The following FAM227B variants were observed in gnomAD, a reference collection of about 807,000 sequenced individuals.
FAM227B encodes protein FAM227B.
FAM227B carries 88 observed loss-of-function variants against 73.8 expected under a neutral mutation model. That is an observed-to-expected ratio of 1.19 (90% CI 1.00 to 1.42). The LOEUF is 1.42. FAM227B is among the 40% of genes most tolerant of loss of function. FAM227B has a pLI of 0.00. For missense variants in FAM227B, 632 were observed against 590.9 expected, an observed-to-expected ratio of 1.07 and a Z score of -0.72; for synonymous variants, 210 against 190.5, an observed-to-expected ratio of 1.10 and a Z score of -0.84.
At chr15:49,438,846 T>A (rs373650863) in intron 11 of FAM227B, among the ~76,000 whole-genome samples, 2 of 119,122 alleles carry the variant, frequency 1.7e-5, no homozygotes, top group African/African-American at 3.0e-5. Context: ...AGAGAGAGAG[T>A]GGGTGGTAAG....
At chr15:49,429,671 A>T (rs898190630) in intron 11 of FAM227B, among the ~76,000 whole-genome samples, 1 of 151,930 alleles carries the variant, frequency 6.6e-6, no homozygotes, top group African/African-American at 2.4e-5. Flanking sequence ...ACTTTAAAAA[A>T]ATACTGATGC....
chr15:49,393,890 T>G (rs188400347), intron 11 of FAM227B, among the ~76,000 whole-genome samples: 1 of 152,254 alleles, frequency 6.6e-6, no homozygotes, highest in East Asian at 1.9e-4. Flanking sequence ...AAGAACCAAT[T>G]TTATTTTTTA....
chr15:49,454,413 C>G (rs941447848), intron 11 of FAM227B, among the ~76,000 whole-genome samples: 1 of 152,038 alleles, frequency 6.6e-6, no homozygotes, highest in African/African-American at 2.4e-5. Flanking sequence ...ATAATAAGAG[C>G]CAATATTTAT....
At chr15:49,543,885 T>A (rs2071441613) in intron 9 of FAM227B, among the ~76,000 whole-genome samples, 1 of 152,170 alleles carries the variant, frequency 6.6e-6, no homozygotes, top group African/African-American at 2.4e-5. Flanking sequence ...AGTACCATGG[T>A]GTTTTGGTAA....
chr15:49,577,283 T>A, intron 6 of FAM227B: 1 of 355,514 alleles, frequency 2.8e-6, no homozygotes, highest in Non-Finnish European at 5.5e-6. Flanking sequence ...GGCCACAGAG[T>A]GAGGCCCCAT....
chr15:49,328,314 T>G lies in FAM227B; in HGVS notation c.*254A>C. ...TTTTCAAAGAAATGGTTGAAAGCTC[T>G]CTATGCTTCATAATGATTCTTTTTC... On this transcript the variant is annotated 3_prime_UTR_variant, in exon 16 of 16. Transcript: ENST00000299338. 1 of 1,434,450 alleles carries G rather than the reference T, an allele frequency of 7.0e-7. No homozygotes were observed. Among genetic ancestry groups the G allele is most frequent in the Non-Finnish European group, 9.1e-7 (1 of 1,098,138 alleles). 88.9% of individuals were successfully genotyped at this position (1,434,450 alleles called of 1,614,324 possible).
chr15:49,615,491 A>G (rs942026140), intron 1 of FAM227B, among the ~76,000 whole-genome samples: 2 of 151,978 alleles, frequency 1.3e-5, no homozygotes, highest in African/African-American at 4.8e-5. Flanking sequence ...TTTGTGATAG[A>G]CTTCTCATGA....
chr15:49,337,620 C>T (rs2039990111), intron 13 of FAM227B, among the ~76,000 whole-genome samples: 1 of 146,602 alleles, frequency 6.8e-6, no homozygotes, highest in Non-Finnish European at 1.5e-5. Context: ...TGGTTTGCTG[C>T]ACTCATCAAC....
At chr15:49,347,679 G>C (rs1479465558) in intron 13 of FAM227B, among the ~76,000 whole-genome samples, 1 of 152,138 alleles carries the variant, frequency 6.6e-6, no homozygotes, top group Admixed American at 6.6e-5. Context: ...CTTTGTTAAA[G>C]AAGTCAGAGA....
At chr15:49,360,581 A>G (rs1425576163) in intron 13 of FAM227B, among the ~76,000 whole-genome samples, 4 of 152,114 alleles carry the variant, frequency 2.6e-5, no homozygotes, top group African/African-American at 7.2e-5. Flanking sequence ...TAGACAAAGT[A>G]TGAAGGGAGA....
At chr15:49,584,704 T>C (rs190035152) in intron 5 of FAM227B, among the ~76,000 whole-genome samples, 1 of 152,272 alleles carries the variant, frequency 6.6e-6, no homozygotes, top group Admixed American at 6.5e-5. Context: ...AGTACTCCTA[T>C]ATACCAACAA....
chr15:49,495,246 AC>A (rs2057494528), intron 11 of FAM227B, among the ~76,000 whole-genome samples: 1 of 152,194 alleles, frequency 6.6e-6, no homozygotes, highest in Non-Finnish European at 1.5e-5. Context: ...AAGTTAAATA[AC>A]TTGAAATTGC....
chr15:49,551,180 G>T lies in FAM227B; in HGVS notation c.748-9374C>A, dbSNP rs1167006590. Among the ~76,000 whole-genome samples, 5 of 152,362 alleles carry T rather than the reference G, an allele frequency of 3.3e-5. No homozygotes were observed. In the East Asian group the frequency reaches 9.7e-4, roughly 29 times the overall value. ...GCCTGCAATTGCAGGCACTCGGCAG[G>T]CTGAGGCAGGAGAATCAGGCAGGGA... On this transcript the variant is annotated intron_variant, in intron 9 of 15. Coordinates refer to ENST00000299338, the MANE Select transcript of FAM227B (RefSeq NM_152647.3).
chr15:49,393,952 T>C (rs1444916825), intron 11 of FAM227B, among the ~76,000 whole-genome samples: 2 of 152,182 alleles, frequency 1.3e-5, no homozygotes, highest in Non-Finnish European at 2.9e-5. Context: ...AAGGACAGAC[T>C]GGTATACAGG....
chr15:49,375,788 A>C (rs1216629965), intron 11 of FAM227B, among the ~76,000 whole-genome samples: 1 of 152,140 alleles, frequency 6.6e-6, no homozygotes, highest in African/African-American at 2.4e-5. Flanking sequence ...TATCTACACA[A>C]GAACTTTTAG....
At chr15:49,611,358 C>A in intron 2 of FAM227B, 90 bp from the exon 3 acceptor site, 1 of 654,126 alleles carries the variant, frequency 1.5e-6, no homozygotes, top group Non-Finnish European at 2.6e-6. Context: ...TAAAATGATA[C>A]TCTATTTATC....
At chr15:49,577,308 G>A in intron 6 of FAM227B, 2 of 317,864 alleles carry the variant, frequency 6.3e-6, no homozygotes, top group South Asian at 3.1e-5. Context: ...CACACCCCCT[G>A]CAAAAAAAGA....
chr15:49,589,864 G>A lies in FAM227B; in HGVS notation c.249C>T (p.Ile83=). The A allele has an allele frequency of 6.2e-7, 1 of 1,606,054 alleles. No homozygotes were observed. The highest frequency in any genetic ancestry group is 1.7e-4 in the Middle Eastern group (1 of 6,034). ...AATATTCCTTTAATTTTGATTCCAT[G>A]ATCAAAAGTGCTTCAAATATTCGAG... is the stretch of plus-strand genomic sequence containing the variant. ...NVPRIFEALL[I]MESKLKEYSL... Residue 83 remains isoleucine, a synonymous_variant, in exon 4 of 16, where the codon ATC becomes ATT. Coordinates refer to ENST00000299338, the MANE Select transcript of FAM227B (RefSeq NM_152647.3).
chr15:49,566,139 G>C (rs1395902), intron 9 of FAM227B, among the ~76,000 whole-genome samples: 49,847 of 152,114 alleles, frequency 0.33, 8,958 homozygotes, highest in African/African-American at 0.46. Flanking sequence ...TAATCTATTA[G>C]TGCTCAAATT....
Sources: gnomAD v4.1 joint callset for allele counts (sites outside exome capture counted in the v4.1 genomes callset) on GRCh38, gnomAD v4.1.1 for gene constraint, MANE v1.5 for transcripts, NCBI Gene and HGNC (gene_info 2026-07-23, HGNC 2026-07-21) for gene names.